DHX35: variants seen among roughly 807,000 people sequenced by gnomAD.
DHX35 encodes DEAH-box helicase 35, also known as probable ATP-dependent RNA helicase DHX35.
DHX35 carries 84 observed loss-of-function variants against 99.6 expected under a neutral mutation model. The ratio of observed to expected loss-of-function variants is 0.84; its 90% confidence interval spans 0.71 to 1.01. The LOEUF is 1.01. Ranked by LOEUF, DHX35 falls within the 50% of genes least tolerant of loss-of-function variation. The pLI is 0.00. For missense variants in DHX35, 852 were observed against 888.5 expected (o/e 0.96, Z 0.52); for synonymous variants, 331 against 316.2 (o/e 1.05, Z -0.50).
At chr20:38,978,426 G>A in intron 3 of DHX35, 3 of 631,268 alleles carry the variant, frequency 4.8e-6, no homozygotes, top group East Asian at 5.6e-5. Context: ...CTTTCATGGG[G>A]TGGTGGCACG....
intron 5 of DHX35, among the ~76,000 whole-genome samples, chr20:38,990,888 A>G (rs1197397369): frequency 1.3e-5 from 2 of 152,214 alleles, no homozygotes; most frequent in African/African-American, 2.4e-5. Context: ...CAAATGAGCA[A>G]TCAGGGACAG....
At chr20:38,985,507 C>T (rs181993329) in intron 4 of DHX35, among the ~76,000 whole-genome samples, 21 of 151,628 alleles carry the variant, frequency 1.4e-4, no homozygotes, top group Middle Eastern at 6.8e-3. Flanking sequence ...ATTATTGTGT[C>T]GTTGTTTTGC....
intron 12 of DHX35, 75 bp from the exon 13 acceptor site, chr20:39,010,205 A>G (rs2086679346): frequency 2.5e-6 from 4 of 1,608,340 alleles, no homozygotes; most frequent in Non-Finnish European, 2.6e-6. Context: ...TAGAGAAGAA[A>G]ATTTGTCCCT....
intron 4 of DHX35, among the ~76,000 whole-genome samples, chr20:38,987,398 A>AT (rs1023150573): frequency 5.9e-5 from 9 of 152,086 alleles, no homozygotes; most frequent in Admixed American, 3.3e-4. Flanking sequence ...GCATGCCACC[A>AT]TGCCCAACTA....
In DHX35 at chr20:38,969,104, A is replaced by G; in HGVS notation, c.64A>G (p.Ile22Val). The change falls in exon 2 of 22, where the codon ATC becomes GTC. Residue 22 changes from isoleucine (I) to valine (V), a missense_variant. By Grantham distance (29) the Ile-to-Val change is conservative (BLOSUM62 3). Transcript: ENST00000252011. The stretch of plus-strand genomic sequence containing the variant: ...AGGTACAGAGGGGCCAGGTGTAAGC[A>G]TCTCTGAAGAGAGACAAAGTCTGGC... ...RPGTEGPGVS[I>V]SEERQSLAEN... 9.3e-6 allele frequency: 15 copies of G among 1,612,704 alleles called. No homozygotes were observed. The highest frequency in any genetic ancestry group is 1.2e-5 in the Non-Finnish European group (14 of 1,179,004).
intron 1 of DHX35, 81 bp from the exon 2 acceptor site, chr20:38,969,000 C>T: frequency 7.1e-7 from 1 of 1,413,576 alleles, no homozygotes; most frequent in Non-Finnish European, 9.4e-7. Context: ...TGTATATCTT[C>T]ATCTTTGAAA....
intron 7 of DHX35, among the ~76,000 whole-genome samples, chr20:38,993,986 C>T (rs988361474): frequency 6.6e-6 from 1 of 152,172 alleles, no homozygotes; most frequent in Non-Finnish European, 1.5e-5. Flanking sequence ...GACCGGATTG[C>T]TGAAGCCCCT....
intron 3 of DHX35, chr20:38,978,419 T>C: frequency 1.5e-6 from 1 of 649,368 alleles, no homozygotes. Context: ...ATCACATCTT[T>C]CATGGGGTGG....
intron 4 of DHX35, among the ~76,000 whole-genome samples, chr20:38,987,431 A>G (rs969909076): frequency 6.6e-6 from 1 of 152,084 alleles, no homozygotes; most frequent in African/African-American, 2.4e-5. Context: ...TTTAGTAGAG[A>G]TGGGGTTTCA....
At chr20:38,971,059 C>G (rs1305563955) in intron 2 of DHX35, among the ~76,000 whole-genome samples, 2 of 152,076 alleles carry the variant, frequency 1.3e-5, no homozygotes, top group Non-Finnish European at 2.9e-5. Flanking sequence ...GCTTTAAAAA[C>G]AGAAATTGGA....
chr20:39,033,943 G>A (rs1294134763), intron 20 of DHX35, among the ~76,000 whole-genome samples: 2 of 152,188 alleles, frequency 1.3e-5, no homozygotes, highest in African/African-American at 4.8e-5. Context: ...TGCAGATGAA[G>A]GATCCAGAAA....
At chr20:39,022,413 C>T (rs2086888351) in intron 16 of DHX35, among the ~76,000 whole-genome samples, 1 of 152,152 alleles carries the variant, frequency 6.6e-6, no homozygotes. Context: ...CCCTTGACCT[C>T]CCAAAGTGCT....
chr20:39,026,229 G>A (rs1039401148), intron 18 of DHX35, among the ~76,000 whole-genome samples: 3 of 152,178 alleles, frequency 2.0e-5, no homozygotes, highest in East Asian at 1.9e-4. Context: ...TCACAACAAC[G>A]CTGTGAAACG....
intron 14 of DHX35, among the ~76,000 whole-genome samples, chr20:39,016,751 G>A (rs932599066): frequency 1.3e-5 from 2 of 151,904 alleles, no homozygotes; most frequent in Admixed American, 6.6e-5. Flanking sequence ...TTTGATTTGC[G>A]TTTCCCTGAT....
Position 38,983,728 on chromosome 20 carries a change from A to G in DHX35, c.297A>G (p.Glu99=), listed in dbSNP as rs1367504811. ...TTGCAGAAGCCGGCTGGACAGCTGA[A>G]GGAAGAGTGGTAGGAGTGACCCAGC... ...QYLAEAGWTA[E]GRVVGVTQPR... The change falls in exon 4 of 22, where the codon GAA becomes GAG. Residue 99 remains glutamate, a synonymous_variant. Coordinates refer to ENST00000252011, the MANE Select transcript of DHX35 (RefSeq NM_021931.4). 1.9e-6 allele frequency: 3 copies of G among 1,614,132 alleles called. No individual in the cohort carries two copies. In the Admixed American group the frequency reaches 5.0e-5, roughly 27 times the overall value.
intron 12 of DHX35, among the ~76,000 whole-genome samples, chr20:39,008,756 A>G (rs1420423805): frequency 6.6e-6 from 1 of 152,312 alleles, no homozygotes; most frequent in South Asian, 2.1e-4. Context: ...ACTACACGAC[A>G]TGCTCTCTGC....
chr20:38,988,789 T>G, intron 4 of DHX35, 24 bp from the exon 5 acceptor site: 1 of 1,613,102 alleles, frequency 6.2e-7, no homozygotes, highest in Non-Finnish European at 8.5e-7. Context: ...GTCTCTATTT[T>G]CAGCATGATC....
intron 4 of DHX35, among the ~76,000 whole-genome samples, chr20:38,985,147 C>T (rs1480168195): frequency 6.6e-6 from 1 of 151,964 alleles, no homozygotes; most frequent in Non-Finnish European, 1.5e-5. Flanking sequence ...CATTGGGAGG[C>T]CGAGGCAAGA....
At chr20:38,985,896 A>G (rs2086242125) in intron 4 of DHX35, among the ~76,000 whole-genome samples, 1 of 152,232 alleles carries the variant, frequency 6.6e-6, no homozygotes, top group Admixed American at 6.5e-5. Flanking sequence ...AAAATCTGCA[A>G]ACAATCTCAG....
Sources: gnomAD v4.1 joint callset for allele counts (sites outside exome capture counted in the v4.1 genomes callset) on GRCh38, gnomAD v4.1.1 for gene constraint, MANE v1.5 for transcripts, NCBI Gene and HGNC (gene_info 2026-07-23, HGNC 2026-07-21) for gene names.